The following RAB2A variants were observed in gnomAD, a reference collection of about 807,000 sequenced individuals.
RAB2A encodes the protein ras-related protein Rab-2A.
RAB2A carries 7 observed loss-of-function variants against 32.5 expected under a neutral mutation model. The observed-to-expected ratio is 0.22, with a 90% CI of 0.12 to 0.40. The LOEUF (loss-of-function observed/expected upper bound fraction) is 0.40. Among genes scored for constraint, RAB2A ranks in the 10% least tolerant of loss-of-function variants. The pLI, the probability that RAB2A is intolerant of heterozygous loss-of-function variation, is 1.00. For missense variants in RAB2A, 108 were observed against 260.7 expected (o/e 0.41, Z 4.03); for synonymous variants, 79 against 85.2 (o/e 0.93, Z 0.40).
At chr8:60,605,828 A>AATATATATATATATATATATATATATAT (rs765737905) in intron 6 of RAB2A, among the ~76,000 whole-genome samples, 1 of 114,004 alleles carries the variant, frequency 8.8e-6, no homozygotes, top group African/African-American at 5.5e-5. Flanking sequence ...AAAAGGGACT[A>AATATATATATATATATATATATATATAT]ATACATATAT....
At chr8:60,549,215 G>T (rs567774410) in intron 1 of RAB2A, among the ~76,000 whole-genome samples, 51 of 152,222 alleles carry the variant, frequency 3.4e-4, no homozygotes, top group African/African-American at 1.2e-3. Flanking sequence ...AGGCGGAGAC[G>T]CTCCTCACTT....
chr8:60,614,118 A>T (rs536986614), intron 6 of RAB2A, among the ~76,000 whole-genome samples: 1 of 151,872 alleles, frequency 6.6e-6, no homozygotes, highest in Non-Finnish European at 1.5e-5. Flanking sequence ...CTGCCCAACC[A>T]TAATAAAAAA....
chr8:60,558,269 A>G, intron 1 of RAB2A: 1 of 413,974 alleles, frequency 2.4e-6, no homozygotes, highest in South Asian at 1.7e-5. Flanking sequence ...AAGTAGGATG[A>G]ATATAGAAAA....
chr8:60,554,848 G>A (rs554188732), intron 1 of RAB2A, among the ~76,000 whole-genome samples: 6 of 151,148 alleles, frequency 4.0e-5, no homozygotes, highest in African/African-American at 7.3e-5. Flanking sequence ...GCGAGACTCC[G>A]TCTCAAAAAA....
chr8:60,549,029 A>T (rs1367136236), intron 1 of RAB2A, among the ~76,000 whole-genome samples: 1 of 146,704 alleles, frequency 6.8e-6, no homozygotes, highest in Non-Finnish European at 1.5e-5. Flanking sequence ...TGCTCCCCAC[A>T]TCTCAGACGA....
At chr8:60,596,564 G>C (rs547407153) in intron 6 of RAB2A, among the ~76,000 whole-genome samples, 11 of 152,320 alleles carry the variant, frequency 7.2e-5, no homozygotes, top group African/African-American at 2.6e-4. Flanking sequence ...CTGGTCATTA[G>C]AGAAATGCAA....
At chr8:60,619,350 T>C (rs1323262994) in intron 7 of RAB2A, among the ~76,000 whole-genome samples, 3 of 152,160 alleles carry the variant, frequency 2.0e-5, no homozygotes, top group Non-Finnish European at 4.4e-5. Context: ...TACTTATTCT[T>C]ACATAAATAT....
chr8:60,562,835 A>G lies in RAB2A; in HGVS notation c.118+3912A>G, dbSNP rs570527578. Among the ~76,000 whole-genome samples, 4 of 152,254 alleles carry G rather than the reference A, an allele frequency of 2.6e-5. No homozygotes were observed. In the East Asian group the frequency reaches 5.8e-4, roughly 22 times the overall value. ...GAAGAGTAAAGGGGTGCTTCTTGCCACTACCACTTATGTAGAGTTGCATAT... is the reference window on the plus strand; with the variant it reads ...GAAGAGTAAAGGGGTGCTTCTTGCCGCTACCACTTATGTAGAGTTGCATAT... On this transcript the variant is annotated intron_variant, in intron 2 of 7. Transcript: ENST00000262646.
intron 5 of RAB2A, among the ~76,000 whole-genome samples, chr8:60,590,656 TA>T (rs1325239036): frequency 1.3e-5 from 2 of 149,860 alleles, no homozygotes; most frequent in South Asian, 4.2e-4. Flanking sequence ...AAATTATAAA[TA>T]ACTTTGCCTT....
chr8:60,569,772 C>G (rs116793479), intron 2 of RAB2A, among the ~76,000 whole-genome samples: 1 of 152,182 alleles, frequency 6.6e-6, no homozygotes. Flanking sequence ...CTCAGCCTCT[C>G]GAATTGTGGG....
chr8:60,590,526 C>G (rs1364481620), intron 5 of RAB2A, among the ~76,000 whole-genome samples: 7 of 143,592 alleles, frequency 4.9e-5, no homozygotes, highest in Non-Finnish European at 9.0e-5. Flanking sequence ...CGTGTATACA[C>G]AAATATATAT....
chr8:60,548,585 G>A (rs1249017733), intron 1 of RAB2A, among the ~76,000 whole-genome samples: 4 of 139,674 alleles, frequency 2.9e-5, no homozygotes, highest in African/African-American at 1.1e-4. Context: ...CCCAGCAGGG[G>A]CGGCCAGGCA....
At chr8:60,554,979 A>G (rs1049037236) in intron 1 of RAB2A, among the ~76,000 whole-genome samples, 4 of 152,244 alleles carry the variant, frequency 2.6e-5, no homozygotes, top group African/African-American at 9.6e-5. Context: ...TCAGGGTTAT[A>G]TGGAAGAAGA....
In RAB2A at chr8:60,621,776, A is replaced by G. The variant is rs1224107725; in HGVS notation, c.*1007A>G. On this transcript the variant is annotated 3_prime_UTR_variant, in exon 8 of 8. Transcript: ENST00000262646. ...CCTTGATGTACAGTGACTGTGTAAA[A>G]TTTTTCTTTCAGTGGCAACCTCTAT... The G allele has an allele frequency of 6.6e-6, 1 of 152,038 alleles. No homozygotes were observed. The highest frequency in any genetic ancestry group is 6.5e-5 in the Admixed American group (1 of 15,268). 9.4% of individuals were successfully genotyped at this position (152,038 alleles called of 1,614,324 possible).
intron 2 of RAB2A, among the ~76,000 whole-genome samples, chr8:60,560,245 G>A (rs2130831592): frequency 6.6e-6 from 1 of 152,124 alleles, no homozygotes; most frequent in East Asian, 1.9e-4. Flanking sequence ...GCACTACCAT[G>A]CCTGGCTAAT....
chr8:60,543,622 G>T (rs192960081), intron 1 of RAB2A, among the ~76,000 whole-genome samples: 237 of 152,280 alleles, frequency 1.6e-3, no homozygotes, highest in Middle Eastern at 3.4e-3. Context: ...ATCTTTTGGG[G>T]GGCCATTATC....
At chr8:60,554,323 A>G (rs902446941) in intron 1 of RAB2A, among the ~76,000 whole-genome samples, 6 of 152,206 alleles carry the variant, frequency 3.9e-5, no homozygotes, top group African/African-American at 1.4e-4. Context: ...TTGGTGAACC[A>G]TTAGAGCTGG....
intron 6 of RAB2A, among the ~76,000 whole-genome samples, chr8:60,600,707 A>G (rs1241310228): frequency 2.0e-5 from 3 of 152,210 alleles, no homozygotes; most frequent in South Asian, 2.1e-4. Flanking sequence ...AGTGTGGTCC[A>G]TCTATACCAT....
chr8:60,612,470 T>C (rs368520914), intron 6 of RAB2A, among the ~76,000 whole-genome samples: 46 of 152,330 alleles, frequency 3.0e-4, no homozygotes, highest in African/African-American at 1.1e-3. Flanking sequence ...AGAAATCCAA[T>C]ATAATTTCTA....
Sources: gnomAD v4.1 joint callset for allele counts (sites outside exome capture counted in the v4.1 genomes callset) on GRCh38, gnomAD v4.1.1 for gene constraint, MANE v1.5 for transcripts, NCBI Gene and HGNC (gene_info 2026-07-23, HGNC 2026-07-21) for gene names.